MAD2L1BP: variants seen among roughly 807,000 people sequenced by gnomAD.
MAD2L1BP encodes MAD2L1-binding protein.
Under a neutral mutation model 28.4 loss-of-function variants are expected in MAD2L1BP, and 22 were observed. The observed-to-expected ratio is 0.77, with a 90% CI of 0.55 to 1.10. The LOEUF (loss-of-function observed/expected upper bound fraction) is 1.10. MAD2L1BP is among the 50% of genes least tolerant of loss of function. The pLI is 0.00. For synonymous variants in MAD2L1BP, 146 were observed against 133.7 expected (o/e 1.09, Z -0.63); for missense variants, 325 against 350.5 (o/e 0.93, Z 0.58).
chr6:43,633,411 A>T (rs923187551), upstream of MAD2L1BP: 1 of 286,596 alleles, frequency 3.5e-6, no homozygotes, highest in African/African-American at 2.3e-5. Flanking sequence ...ACCTCAGGTG[A>T]TCTGCACACC....
upstream of MAD2L1BP, among the ~76,000 whole-genome samples, chr6:43,633,778 C>A (rs148736595): frequency 0.014 from 2,084 of 151,206 alleles, 26 homozygotes; most frequent in Non-Finnish European, 0.02. Flanking sequence ...GGTGCGATCA[C>A]AGCTCACTGT....
upstream of MAD2L1BP, among the ~76,000 whole-genome samples, chr6:43,634,812 G>A (rs565621839): frequency 1.4e-4 from 22 of 152,222 alleles, 1 homozygote; most frequent in Admixed American, 1.3e-3. Context: ...ACCTGCCTTG[G>A]ACTCCCAAAG....
chr6:43,630,562 G>T (rs1486472576), intron 1 of MAD2L1BP, among the ~76,000 whole-genome samples: 1 of 152,100 alleles, frequency 6.6e-6, no homozygotes, highest in African/African-American at 2.4e-5. Context: ...GGCCAACACA[G>T]CGAAACCCCG....
chr6:43,636,409 A>C lies in MAD2L1BP; in HGVS notation c.75A>C (p.Glu25Asp). 1 of 1,614,132 alleles carries C rather than the reference A, an allele frequency of 6.2e-7. No homozygotes were observed. The highest frequency in any genetic ancestry group is 1.3e-5 in the African/African-American group (1 of 75,030). Residue 25 changes from glutamate (E) to aspartate (D), a missense_variant, in exon 2 of 3, where the codon GAA becomes GAC. Transcript: ENST00000372171. Reference sequence around the variant, plus strand: ...TGGAGTGGTATGAGAAGTCCGAAGAAACTCACGCCTCCCAGATAGAACTAC... The same window carrying C: ...TGGAGTGGTATGAGAAGTCCGAAGACACTCACGCCTCCCAGATAGAACTAC... Reference protein sequence around the residue: ...PDLEWYEKSEETHASQIELLE... With the variant: ...PDLEWYEKSEDTHASQIELLE...
chr6:43,631,846 G>A (rs1769941584), upstream of MAD2L1BP, among the ~76,000 whole-genome samples: 3 of 152,120 alleles, frequency 2.0e-5, no homozygotes, highest in African/African-American at 7.2e-5. Context: ...GGGAGGCCGA[G>A]ATGGGAGAAT....
At position 43,636,587 on chromosome 6, in the gene MAD2L1BP, C is replaced by T. The variant is rs1401198760; in HGVS notation, c.253C>T (p.Gln85Ter). The change falls in exon 2 of 3, where the codon CAG (glutamine) becomes TAG (stop). Residue 85 changes from glutamine to a stop codon, truncating the protein, a stop_gained. Transcript: ENST00000372171. LOFTEE classifies it high-confidence loss of function. ...ELLKHIMYQR[Q>*]QLPLPYEQLK... ...TCTAAAGCATATCATGTATCAACGC[C>T]AGCAGCTCCCTCTGCCCTATGAACA... The T allele has an allele frequency of 6.2e-7, 1 of 1,614,194 alleles. No individual in the cohort carries two copies. The highest frequency in any genetic ancestry group is 8.5e-7 in the Non-Finnish European group (1 of 1,180,032).
At chr6:43,633,447 C>A, upstream of MAD2L1BP, 1 of 240,782 alleles carries the variant, frequency 4.2e-6, no homozygotes, top group South Asian at 3.8e-5. Flanking sequence ...GCTGGGATTA[C>A]AGGCGTGAGC....
At chr6:43,630,729 C>G (rs141381213) in intron 1 of MAD2L1BP, among the ~76,000 whole-genome samples, 1 of 146,720 alleles carries the variant, frequency 6.8e-6, no homozygotes, top group Non-Finnish European at 1.5e-5. Flanking sequence ...GGCAACAGAG[C>G]GAGACTCCAA....
rs1434478053 is a variant in MAD2L1BP, at chr6:43,629,666, G to T, written c.-84G>T. 5.6e-6 allele frequency: 8 copies of T among 1,434,520 alleles called. No individual in the cohort carries two copies. The East Asian group carries it at 2.0e-4, about 36-fold the overall frequency. The allele number at this position is 1,434,520 out of a possible 1,614,324, so 88.9% of individuals were successfully genotyped here. ...CCTTTAGCGCGGATCCTAGACAACAGGTTTTGGACCTCGAGAGCTGCAGAA... is the reference window on the plus strand; with the variant it reads ...CCTTTAGCGCGGATCCTAGACAACATGTTTTGGACCTCGAGAGCTGCAGAA... On this transcript the variant is annotated 5_prime_UTR_variant, in exon 1 of 4. Transcript: ENST00000451025.
At position 43,640,597 on chromosome 6, in the gene MAD2L1BP, C is replaced by T; in HGVS notation, c.*64C>T. ...TATCTTTCTCCATGTGGCGCTGAAT[C>T]ACCCATCTGGTTTGGAGCTAGAGTT... On this transcript the variant is annotated 3_prime_UTR_variant, in exon 3 of 3. Coordinates refer to ENST00000372171, the MANE Select transcript of MAD2L1BP (RefSeq NM_014628.3). 2.0e-6 allele frequency: 3 copies of T among 1,495,526 alleles called. No individual in the cohort carries two copies. Among genetic ancestry groups the T allele is most frequent in the Non-Finnish European group, 2.7e-6 (3 of 1,120,036 alleles). The allele number at this position is 1,495,526 out of a possible 1,614,324, so 92.6% of individuals were successfully genotyped here.
exon 1 of MAD2L1BP, chr6:43,629,747 C>T: frequency 6.4e-7 from 1 of 1,554,654 alleles, no homozygotes; most frequent in East Asian, 2.4e-5. Context: ...AGTTTCTTCC[C>T]CTATGGCCCG....
At chr6:43,629,863 G>T in intron 1 of MAD2L1BP, 1 of 1,426,090 alleles carries the variant, frequency 7.0e-7, no homozygotes, top group Non-Finnish European at 9.4e-7. Context: ...TTACATAGTA[G>T]TCACTGCTTT....
At chr6:43,637,403 C>T (rs113450365) in intron 2 of MAD2L1BP, among the ~76,000 whole-genome samples, 2,801 of 149,886 alleles carry the variant, frequency 0.019, 34 homozygotes, top group South Asian at 0.043. Context: ...TGTTTAATTT[C>T]TGTATGGACT....
At chr6:43,630,925 A>G (rs1405414178), upstream of MAD2L1BP, among the ~76,000 whole-genome samples, 2 of 151,590 alleles carry the variant, frequency 1.3e-5, no homozygotes, top group Admixed American at 6.6e-5. Context: ...AAAAAAAAAA[A>G]AAAAAAGAAA....
In MAD2L1BP at chr6:43,636,361, T is replaced by C. The variant is rs770122230; in HGVS notation, c.47-20T>C. On this transcript the variant is annotated intron_variant, in intron 1 of 2. Coordinates refer to ENST00000372171, the MANE Select transcript of MAD2L1BP (RefSeq NM_014628.3). ...TTAGGTTTTTAATTTTTCTCTCTTG[T>C]CCCTCTTTTCATCTACCAGATTTGG... 57 of 1,612,304 alleles carry C rather than the reference T, an allele frequency of 3.5e-5. No individual in the cohort carries two copies. The Middle Eastern group carries it at 6.6e-4, about 19-fold the overall frequency.
upstream of MAD2L1BP, chr6:43,633,198 A>C: frequency 4.9e-6 from 2 of 410,656 alleles, no homozygotes; most frequent in Non-Finnish European, 9.4e-6. Context: ...TTCCAGGCGG[A>C]GTCTCACTCT....
In MAD2L1BP at chr6:43,639,988, G is replaced by C. The variant is rs762845580; in HGVS notation, c.313-33G>C. On this transcript the variant is annotated intron_variant, in intron 2 of 2. Transcript: ENST00000372171. ...AAGAGCATTAGCTTCCCCCTGCCTTGTTCTTCTCTCCCACCATTCTTTGTC... is the reference window on the plus strand; with the variant it reads ...AAGAGCATTAGCTTCCCCCTGCCTTCTTCTTCTCTCCCACCATTCTTTGTC... 2.7e-6 allele frequency: 4 copies of C among 1,508,488 alleles called. No homozygotes were observed. The Admixed American group carries it at 9.0e-5, about 34-fold the overall frequency. The allele number at this position is 1,508,488 out of a possible 1,614,324, so 93.4% of individuals were successfully genotyped here.
At chr6:43,635,437 C>G (rs1186804623), upstream of MAD2L1BP, among the ~76,000 whole-genome samples, 2 of 152,230 alleles carry the variant, frequency 1.3e-5, no homozygotes, top group African/African-American at 2.4e-5. Context: ...CACTTCCACA[C>G]CCCGTGTACA....
chr6:43,633,083 A>G (rs1464526113), upstream of MAD2L1BP: 1 of 375,480 alleles, frequency 2.7e-6, no homozygotes, highest in South Asian at 2.0e-5. Context: ...TCTGCCCTTA[A>G]GCAATTCTCC....
Sources: gnomAD v4.1 joint callset for allele counts (sites outside exome capture counted in the v4.1 genomes callset) on GRCh38, gnomAD v4.1.1 for gene constraint, MANE v1.5 for transcripts, NCBI Gene and HGNC (gene_info 2026-07-23, HGNC 2026-07-21) for gene names.